The following PDE4D variants were observed in gnomAD, a reference collection of about 807,000 sequenced individuals.
PDE4D encodes the protein 3',5'-cyclic-AMP phosphodiesterase 4D.
A neutral mutation model predicts 87.4 loss-of-function variants in PDE4D; 24 were observed. The observed-to-expected ratio is 0.27, with a 90% CI of 0.20 to 0.39. PDE4D has a LOEUF of 0.39. Ranked by LOEUF, PDE4D falls within the 10% of genes least tolerant of loss-of-function variation. The pLI is 1.00. For synonymous variants in PDE4D, 384 were observed against 383.2 expected (o/e 1.00, Z -0.02); for missense variants, 714 against 1,041.0 (o/e 0.69, Z 4.32).
At chr5:59,034,950 C>T (rs1482357199) in intron 6 of PDE4D, among the ~76,000 whole-genome samples, 1 of 152,202 alleles carries the variant, frequency 6.6e-6, no homozygotes, top group African/African-American at 2.4e-5. Flanking sequence ...CTCCTTTGAA[C>T]CTCACTGAAC....
intron 1 of PDE4D, among the ~76,000 whole-genome samples, chr5:59,263,581 T>G (rs529305836): frequency 8.5e-5 from 13 of 152,094 alleles, no homozygotes; most frequent in African/African-American, 2.9e-4. Context: ...GAAAATCTGA[T>G]TTTTACCCTG....
intron 7 of PDE4D, 122 bp from the exon 8 acceptor site, chr5:58,992,126 G>T: frequency 1.5e-6 from 1 of 659,282 alleles, no homozygotes; most frequent in Non-Finnish European, 2.2e-6. Context: ...CAACTAAAAA[G>T]TTTCCTTTTA....
At chr5:59,972,384 T>A (rs540422862) in intron 3 of PDE4D, among the ~76,000 whole-genome samples, 1 of 152,284 alleles carries the variant, frequency 6.6e-6, no homozygotes, top group African/African-American at 2.4e-5. Context: ...AAGGACTGTG[T>A]TTCCTAAATT....
intron 2 of PDE4D, among the ~76,000 whole-genome samples, chr5:59,200,084 CATGT>C (rs951934807): frequency 1.4e-5 from 2 of 145,138 alleles, no homozygotes; most frequent in African/African-American, 5.5e-5. Flanking sequence ...TGCACACATA[CATGT>C]ATGTAGACAT....
rs1490368521 is a variant in PDE4D at position 60,280,330 on chromosome 5, A to ATATATG, written c.-89-94644_-89-94643insCATATA. Among the ~76,000 whole-genome samples the ATATATG allele has an allele frequency of 1.9e-4, 27 of 145,474 alleles. 2 individuals are homozygous for ATATATG. In the Middle Eastern group the frequency reaches 0.028, roughly 153 times the overall value. On this transcript the variant is annotated intron_variant, in intron 1 of 16. Transcript: ENST00000502484. ...TATACATACATATATATATATAAATATATATACACACATATATATAAAATA... is the reference window on the plus strand; with the variant it reads ...TATACATACATATATATATATAAATATATATGTATATACACACATATATATAAAATA...
At chr5:60,219,932 A>T (rs1744297202) in intron 1 of PDE4D, among the ~76,000 whole-genome samples, 1 of 152,192 alleles carries the variant, frequency 6.6e-6, no homozygotes, top group South Asian at 2.1e-4. Flanking sequence ...AGCAGCATAC[A>T]GATTTATGTT....
chr5:59,227,115 C>T (rs1014010206), intron 1 of PDE4D, among the ~76,000 whole-genome samples: 4 of 152,172 alleles, frequency 2.6e-5, no homozygotes, highest in Admixed American at 1.3e-4. Flanking sequence ...AGGTTACTAC[C>T]AATCTTTCAC....
chr5:59,250,370 G>T lies in PDE4D; in HGVS notation c.456-34402C>A, dbSNP rs149985161. ...AAGCCAGGAGTGGTGGGGCACGCCT[G>T]TTGTTGCAGCTACTCATGAGGTTGA... is the stretch of plus-strand genomic sequence containing the variant. On this transcript the variant is annotated intron_variant, in intron 1 of 14. Transcript: ENST00000340635. Among the ~76,000 whole-genome samples the T allele has an allele frequency of 6.0e-3, 910 of 151,034 alleles. 14 individuals carry two copies. Among genetic ancestry groups the T allele is most frequent in the Middle Eastern group, 0.017 (5 of 294 alleles).
intron 1 of PDE4D, among the ~76,000 whole-genome samples, chr5:60,322,409 C>CAA (rs1314569842): frequency 7.5e-4 from 101 of 135,356 alleles, no homozygotes; most frequent in African/African-American, 2.9e-3. Context: ...CACACACACA[C>CAA]ACACACAAAA....
intron 3 of PDE4D, among the ~76,000 whole-genome samples, chr5:59,946,553 T>C (rs1757742880): frequency 6.6e-6 from 1 of 152,234 alleles, no homozygotes; most frequent in Admixed American, 6.5e-5. Context: ...CAACATGCTA[T>C]GCATTGAAGA....
chr5:59,208,029 C>T (rs566010841), intron 2 of PDE4D, among the ~76,000 whole-genome samples: 14 of 151,536 alleles, frequency 9.2e-5, no homozygotes, highest in African/African-American at 1.9e-4. Flanking sequence ...CAGCCAGGCA[C>T]GGTGGCAGGT....
intron 1 of PDE4D, among the ~76,000 whole-genome samples, chr5:60,370,725 C>G (rs1349164921): frequency 6.6e-6 from 1 of 151,856 alleles, no homozygotes; most frequent in Non-Finnish European, 1.5e-5. Flanking sequence ...TTAGTCATTA[C>G]TAAAACAAGG....
At position 60,089,063 on chromosome 5, in the gene PDE4D, C is replaced by G. The variant is rs549523527; in HGVS notation, c.42+96494G>C. On this transcript the variant is annotated intron_variant, in intron 2 of 16. Coordinates refer to the PDE4D transcript ENST00000502484. ...GATAAAACAGACCTTAAGTCAAGGA[C>G]AGTTAAAAACAACAGAGAAGGCAAT... Among the ~76,000 whole-genome samples, 4 of 152,006 alleles carry G rather than the reference C, an allele frequency of 2.6e-5. No individual in the cohort carries two copies. In the East Asian group the frequency reaches 5.8e-4, roughly 22 times the overall value.
At chr5:59,598,921 T>C (rs1268020351) in intron 1 of PDE4D, among the ~76,000 whole-genome samples, 1 of 151,996 alleles carries the variant, frequency 6.6e-6, no homozygotes, top group Non-Finnish European at 1.5e-5. Flanking sequence ...TCTAGCAATA[T>C]AAAAAATAAA....
At chr5:60,007,329 T>C (rs1764588835) in intron 2 of PDE4D, among the ~76,000 whole-genome samples, 1 of 151,978 alleles carries the variant, frequency 6.6e-6, no homozygotes, top group Non-Finnish European at 1.5e-5. Context: ...AAATTACAAA[T>C]ACCAGGGAAT....
At chr5:60,380,241 T>C (rs574217734) in intron 1 of PDE4D, among the ~76,000 whole-genome samples, 35 of 152,310 alleles carry the variant, frequency 2.3e-4, no homozygotes, top group African/African-American at 8.2e-4. Context: ...GATAGATTAG[T>C]GTATCCTAGC....
At chr5:59,806,244 C>T (rs374351426) in intron 1 of PDE4D, among the ~76,000 whole-genome samples, 1 of 152,168 alleles carries the variant, frequency 6.6e-6, no homozygotes, top group African/African-American at 2.4e-5. Context: ...GCCTGAGGAC[C>T]TTAATGAAAG....
At chr5:60,136,282 C>T (rs759881478) in intron 2 of PDE4D, among the ~76,000 whole-genome samples, 1 of 151,520 alleles carries the variant, frequency 6.6e-6, no homozygotes, top group Non-Finnish European at 1.5e-5. Context: ...CCTTTCTTTC[C>T]TGTTAGATTG....
chr5:60,424,151 A>T (rs1002855117), intron 1 of PDE4D, among the ~76,000 whole-genome samples: 23 of 152,238 alleles, frequency 1.5e-4, no homozygotes, highest in Middle Eastern at 3.2e-3. Flanking sequence ...TAATCCAATC[A>T]AAAGAAAAAG....
Sources: gnomAD v4.1 joint callset for allele counts (sites outside exome capture counted in the v4.1 genomes callset) on GRCh38, gnomAD v4.1.1 for gene constraint, MANE v1.5 for transcripts, NCBI Gene and HGNC (gene_info 2026-07-23, HGNC 2026-07-21) for gene names.